Variants in ATF7 observed in about 807,000 individuals in gnomAD.
ATF7 encodes the protein activating transcription factor 7.
A neutral mutation model predicts 50.4 loss-of-function variants in ATF7; 10 were observed. The observed-to-expected ratio is 0.20, with a 90% confidence interval of 0.12 to 0.34. The LOEUF (loss-of-function observed/expected upper bound fraction) is 0.34, where lower values mean the gene tolerates loss of function less well. ATF7 is among the 10% of genes least tolerant of loss of function. ATF7 has a pLI of 1.00. For missense variants in ATF7, 465 were observed against 613.9 expected, an observed-to-expected ratio of 0.76 and a Z score of 2.56; for synonymous variants, 201 against 226.4, an observed-to-expected ratio of 0.89 and a Z score of 1.01.
At chr12:53,581,010 G>A (rs979849763) in intron 2 of ATF7, among the ~76,000 whole-genome samples, 2 of 152,010 alleles carry the variant, frequency 1.3e-5, no homozygotes, top group African/African-American at 4.8e-5. Context: ...TACTCAGGAG[G>A]CTGAGGCAGG....
intron 2 of ATF7, among the ~76,000 whole-genome samples, chr12:53,567,239 TTC>T (rs1486164800): frequency 6.6e-6 from 1 of 152,262 alleles, no homozygotes; most frequent in Non-Finnish European, 1.5e-5. Flanking sequence ...TAATGCTGAA[TTC>T]TGTTTTCTTT....
rs200535578 is a variant in ATF7, at chr12:53,574,953, C to CAA, written c.49-22318_49-22317dup. 9.3e-3 allele frequency: 1,570 copies of CAA among 168,846 alleles called. 8 individuals are homozygous for CAA. The highest frequency in any genetic ancestry group is 0.014 in the Middle Eastern group (5 of 352). The allele number at this position is 168,846 out of a possible 1,614,324, so 10.5% of individuals were successfully genotyped here. ...CTCTTTCTTGCCATTGAGCTTAAGC[C>CAA]AAAAAAAAAAAAAAATTAAAGAAAA... is the stretch of plus-strand genomic sequence containing the variant. On this transcript the variant is annotated intron_variant, in intron 2 of 11. Transcript: ENST00000420353.
rs547988223 is a variant in ATF7, at chr12:53,621,042, A to G, written c.-22+5237T>C. ...ACTGGCAAGTTATGCAGTGATCTATAAACAGTAGCATAAGATACCCAAACA... is the reference window on the plus strand; with the variant it reads ...ACTGGCAAGTTATGCAGTGATCTATGAACAGTAGCATAAGATACCCAAACA... On this transcript the variant is annotated intron_variant, in intron 1 of 11. Transcript: ENST00000420353. Among the ~76,000 whole-genome samples the G allele has an allele frequency of 5.8e-4, 89 of 152,368 alleles. 1 individual carries two copies. The highest frequency in any genetic ancestry group is 2.1e-3 in the African/African-American group (89 of 41,590).
At position 53,535,684 on chromosome 12, in the gene ATF7, C is replaced by G. The variant is rs1939179018; in HGVS notation, c.403-1025G>C. On this transcript the variant is annotated intron_variant, in intron 5 of 11. Transcript: ENST00000420353. ...AAATAGTACTTCATGAAAGTACTTC[C>G]TTTAAAAAGAATAATCATCAGACTT... Among the ~76,000 whole-genome samples the G allele has an allele frequency of 2.0e-5, 3 of 152,192 alleles. No individual in the cohort carries two copies. The South Asian group carries it at 6.2e-4, about 32-fold the overall frequency.
At chr12:53,527,249 C>T (rs931191388) in intron 9 of ATF7, among the ~76,000 whole-genome samples, 48 of 152,102 alleles carry the variant, frequency 3.2e-4, no homozygotes, top group Admixed American at 2.5e-3. Context: ...TTTGGGAGGC[C>T]GAGGTTGGGA....
intron 2 of ATF7, among the ~76,000 whole-genome samples, chr12:53,571,369 T>C (rs1292816267): frequency 1.3e-5 from 2 of 152,090 alleles, no homozygotes; most frequent in African/African-American, 4.8e-5. Flanking sequence ...AGGAAACTAA[T>C]ATACATATTA....
intron 2 of ATF7, among the ~76,000 whole-genome samples, chr12:53,556,062 C>A (rs1210819234): frequency 6.6e-6 from 1 of 151,996 alleles, no homozygotes. Context: ...GTGATCCACC[C>A]ACCTCGACCT....
chr12:53,606,228 A>G (rs1369905173), intron 1 of ATF7, among the ~76,000 whole-genome samples: 2 of 152,086 alleles, frequency 1.3e-5, no homozygotes, highest in East Asian at 1.9e-4. Context: ...GAATGCCAAT[A>G]GAGTATGCAG....
intron 2 of ATF7, 124 bp from the exon 3 acceptor site, chr12:53,552,761 G>C (rs771031694): frequency 1.4e-6 from 1 of 732,762 alleles, no homozygotes; most frequent in Non-Finnish European, 2.3e-6. Flanking sequence ...AACTGGAGAG[G>C]GAGAAAAAAC....
At chr12:53,532,447 T>G in intron 8 of ATF7, 63 bp downstream of exon 8, 2 of 1,336,474 alleles carry the variant, frequency 1.5e-6, no homozygotes, top group South Asian at 1.3e-5. Context: ...TTGAAAGACC[T>G]AGGCTGGTAT....
chr12:53,577,740 G>A (rs1403221920), intron 2 of ATF7, among the ~76,000 whole-genome samples: 32 of 143,948 alleles, frequency 2.2e-4, no homozygotes, highest in East Asian at 1.6e-3. Context: ...AAGAAAGAAA[G>A]AAAGAAAGAA....
At chr12:53,614,384 T>C (rs568084731) in intron 1 of ATF7, among the ~76,000 whole-genome samples, 62 of 152,348 alleles carry the variant, frequency 4.1e-4, no homozygotes, top group African/African-American at 1.4e-3. Context: ...CAAAAAATTT[T>C]AGTTTGTTCT....
Position 53,571,473 on chromosome 12 carries a change from T to C in ATF7, c.49-18836A>G, listed in dbSNP as rs938627352. On this transcript the variant is annotated intron_variant, in intron 2 of 11. Transcript: ENST00000420353. ...ATAGGTGACAAACTCCAAGCAATTA[T>C]ACCCATAACCACAAACCACTGTAAC... is the stretch of plus-strand genomic sequence containing the variant. Among the ~76,000 whole-genome samples, 5 of 152,008 alleles carry C rather than the reference T, an allele frequency of 3.3e-5. No homozygotes were observed. The East Asian group carries it at 9.6e-4, about 29-fold the overall frequency.
intron 2 of ATF7, 167 bp downstream of exon 2, chr12:53,600,786 G>A: frequency 1.7e-6 from 1 of 597,122 alleles, no homozygotes. Context: ...CATTACGGTA[G>A]AGTGCCTACA....
intron 1 of ATF7, among the ~76,000 whole-genome samples, chr12:53,610,175 C>T (rs1316484657): frequency 6.6e-6 from 1 of 151,940 alleles, no homozygotes; most frequent in Non-Finnish European, 1.5e-5. Flanking sequence ...GACTGGAAAA[C>T]TGAGGCAGAG....
At chr12:53,599,303 G>A (rs1333216808) in intron 2 of ATF7, among the ~76,000 whole-genome samples, 1 of 151,944 alleles carries the variant, frequency 6.6e-6, no homozygotes, top group Non-Finnish European at 1.5e-5. Flanking sequence ...GACTCTGAAA[G>A]TGCTGGGATT....
chr12:53,528,511 C>T (rs1161241991), intron 9 of ATF7, among the ~76,000 whole-genome samples: 1 of 152,128 alleles, frequency 6.6e-6, no homozygotes, highest in African/African-American at 2.4e-5. Flanking sequence ...GCCTGTAATC[C>T]CAGCACTTTG....
intron 2 of ATF7, among the ~76,000 whole-genome samples, chr12:53,599,068 G>A (rs894510602): frequency 3.9e-5 from 6 of 152,162 alleles, no homozygotes; most frequent in African/African-American, 1.2e-4. Context: ...GTCTCGCTCT[G>A]TTGCCCAGGC....
At chr12:53,589,188 A>G (rs557038787) in intron 2 of ATF7, among the ~76,000 whole-genome samples, 1 of 152,334 alleles carries the variant, frequency 6.6e-6, no homozygotes, top group African/African-American at 2.4e-5. Context: ...GAGTCTAACC[A>G]TCTGGGTTTA....
Sources: allele counts gnomAD v4.1 joint callset (sites outside exome capture counted in the v4.1 genomes callset), GRCh38; gene constraint gnomAD v4.1.1; transcripts MANE v1.5; gene names NCBI Gene and HGNC (gene_info 2026-07-23, HGNC 2026-07-21).